Variants in THSD7B observed in about 807,000 individuals in gnomAD.
The protein encoded by THSD7B is thrombospondin type-1 domain-containing protein 7B.
A neutral mutation model predicts 213.6 loss-of-function variants in THSD7B; 138 were observed. The observed-to-expected ratio is 0.65, with a 90% CI of 0.56 to 0.74. THSD7B has a LOEUF of 0.74. Among genes scored for constraint, THSD7B ranks in the 30% least tolerant of loss-of-function variants. The probability of loss-of-function intolerance (pLI) is 0.00; values close to 1 mark genes in which losing one functional copy is unlikely to be tolerated. For synonymous variants in THSD7B, 742 were observed against 687.0 expected (o/e 1.08, Z -1.25); for missense variants, 1,931 against 1,991.5 (o/e 0.97, Z 0.58).
chr2:137,404,915 C>T (rs1429469522), intron 12 of THSD7B, among the ~76,000 whole-genome samples: 1 of 151,852 alleles, frequency 6.6e-6, no homozygotes, highest in Non-Finnish European at 1.5e-5. Flanking sequence ...GTACACTGCT[C>T]AGGTGATGGG....
intron 7 of THSD7B, among the ~76,000 whole-genome samples, chr2:137,228,846 A>C (rs1681575683): frequency 6.6e-6 from 1 of 152,200 alleles, no homozygotes; most frequent in South Asian, 2.1e-4. Context: ...GATAAGTAAC[A>C]GTGAGCCCAT....
At chr2:136,812,097 G>A (rs77445478) in intron 1 of THSD7B, among the ~76,000 whole-genome samples, 1 of 152,152 alleles carries the variant, frequency 6.6e-6, no homozygotes, top group African/African-American at 2.4e-5. Flanking sequence ...AAACTTCTTA[G>A]GATCTTGTGA....
At chr2:136,867,504 T>C (rs1683362789) in intron 1 of THSD7B, among the ~76,000 whole-genome samples, 2 of 152,204 alleles carry the variant, frequency 1.3e-5, no homozygotes, top group Non-Finnish European at 2.9e-5. Flanking sequence ...TTTAAAATAC[T>C]TTCCATAGTG....
intron 17 of THSD7B, among the ~76,000 whole-genome samples, chr2:137,580,220 C>T (rs13430689): frequency 0.11 from 17,374 of 151,982 alleles, 1,288 homozygotes; most frequent in African/African-American, 0.21. Context: ...AAAAAATATT[C>T]GCAAGAGTTT....
intron 10 of THSD7B, among the ~76,000 whole-genome samples, chr2:137,271,424 TATATAATATATATA>T (rs1412295332): frequency 7.4e-6 from 1 of 135,918 alleles, no homozygotes; most frequent in East Asian, 2.2e-4. Context: ...AATATATAAT[TATATAATATATATA>T]ATATAATATA....
At chr2:137,532,240 G>A (rs927422174) in intron 15 of THSD7B, among the ~76,000 whole-genome samples, 1 of 151,722 alleles carries the variant, frequency 6.6e-6, no homozygotes, top group African/African-American at 2.4e-5. Flanking sequence ...AATGTATTAT[G>A]GTAGTTCTTC....
At chr2:137,256,055 A>G (rs995613035) in intron 10 of THSD7B, among the ~76,000 whole-genome samples, 20 of 150,620 alleles carry the variant, frequency 1.3e-4, no homozygotes, top group Middle Eastern at 3.4e-3. Context: ...CTTCTTCATT[A>G]CTCTGTATTA....
At chr2:137,113,943 A>G (rs1432899769) in intron 4 of THSD7B, among the ~76,000 whole-genome samples, 1 of 152,212 alleles carries the variant, frequency 6.6e-6, no homozygotes, top group Admixed American at 6.5e-5. Flanking sequence ...TTTTCACAAG[A>G]CTAATGATTC....
chr2:137,038,179 A>G (rs1437537666), intron 2 of THSD7B, among the ~76,000 whole-genome samples: 1 of 152,164 alleles, frequency 6.6e-6, no homozygotes, highest in Non-Finnish European at 1.5e-5. Context: ...AAGTTGTTGT[A>G]TGTTCCTTTT....
At position 136,822,903 on chromosome 2, in the gene THSD7B, A is replaced by G. The variant is rs550745424; in HGVS notation, c.-36+57216A>G. Reference sequence around the variant, plus strand: ...AGGCTAGATTTAGCCCTATACATTAATGAAATTGTTTATTCTAAGGAAATG... The same window carrying G: ...AGGCTAGATTTAGCCCTATACATTAGTGAAATTGTTTATTCTAAGGAAATG... On this transcript the variant is annotated intron_variant, in intron 1 of 27. Coordinates refer to ENST00000409968, the MANE Select transcript of THSD7B (RefSeq NM_001316349.2). Among the ~76,000 whole-genome samples the G allele has an allele frequency of 1.2e-4, 18 of 152,304 alleles. No individual in the cohort carries two copies. The South Asian group carries it at 1.9e-3, about 16-fold the overall frequency.
At chr2:137,070,339 T>G (rs1039886736) in intron 3 of THSD7B, among the ~76,000 whole-genome samples, 2 of 151,914 alleles carry the variant, frequency 1.3e-5, no homozygotes, top group African/African-American at 4.8e-5. Context: ...CATAGTTTAT[T>G]TGAACAAATT....
intron 2 of THSD7B, among the ~76,000 whole-genome samples, chr2:137,016,249 A>G (rs968628847): frequency 6.6e-6 from 1 of 152,120 alleles, no homozygotes. Flanking sequence ...AGAGTCTGCA[A>G]TCTCACCTCC....
At chr2:136,957,098 C>G (rs1685139446) in intron 2 of THSD7B, among the ~76,000 whole-genome samples, 1 of 152,084 alleles carries the variant, frequency 6.6e-6, no homozygotes, top group South Asian at 2.1e-4. Flanking sequence ...AGATTGTGTT[C>G]CAGAAGGGCT....
chr2:136,901,271 G>A (rs965696306), intron 2 of THSD7B, among the ~76,000 whole-genome samples: 2 of 152,304 alleles, frequency 1.3e-5, no homozygotes, highest in African/African-American at 4.8e-5. Context: ...TTTCCAAGTC[G>A]GAGGGCTGCC....
intron 17 of THSD7B, among the ~76,000 whole-genome samples, chr2:137,576,121 G>C (rs1257970474): frequency 6.6e-6 from 1 of 151,986 alleles, no homozygotes; most frequent in Non-Finnish European, 1.5e-5. Context: ...ACAATATTGG[G>C]TTGCCTTCAT....
chr2:137,443,511 GA>G (rs1348425152), intron 14 of THSD7B, among the ~76,000 whole-genome samples: 1 of 151,958 alleles, frequency 6.6e-6, no homozygotes, highest in African/African-American at 2.4e-5. Flanking sequence ...TCATTGATAA[GA>G]ATTATCTCTT....
At chr2:136,786,205 T>C (rs1186634224) in intron 1 of THSD7B, among the ~76,000 whole-genome samples, 1 of 152,200 alleles carries the variant, frequency 6.6e-6, no homozygotes, top group Non-Finnish European at 1.5e-5. Flanking sequence ...AGATAACTAT[T>C]TTAACACTTT....
intron 2 of THSD7B, among the ~76,000 whole-genome samples, chr2:136,979,223 AT>A (rs35436994): frequency 0.078 from 11,267 of 143,892 alleles, 653 homozygotes; most frequent in African/African-American, 0.16. Context: ...TGCCCTTAAC[AT>A]TTTTTTTTTT....
intron 5 of THSD7B, among the ~76,000 whole-genome samples, chr2:137,116,294 T>C (rs1201264552): frequency 1.3e-5 from 2 of 152,220 alleles, no homozygotes; most frequent in Non-Finnish European, 1.5e-5. Context: ...GCTACAGCTG[T>C]TTTTGAAAAT....
Sources: gnomAD v4.1 joint callset for allele counts (sites outside exome capture counted in the v4.1 genomes callset) on GRCh38, gnomAD v4.1.1 for gene constraint, MANE v1.5 for transcripts, NCBI Gene and HGNC (gene_info 2026-07-23, HGNC 2026-07-21) for gene names.